NRXN1: variants seen among roughly 807,000 people sequenced by gnomAD.
The protein encoded by NRXN1 is neurexin 1.
A neutral mutation model predicts 150.9 loss-of-function variants in NRXN1; 39 were observed. That is an observed-to-expected ratio of 0.26 (90% CI 0.20 to 0.34). The LOEUF (loss-of-function observed/expected upper bound fraction) is 0.34. Ranked by LOEUF, NRXN1 falls within the 10% of genes least tolerant of loss-of-function variation. NRXN1 has a pLI of 1.00. For synonymous variants in NRXN1, 924 were observed against 757.0 expected, an observed-to-expected ratio of 1.22 and a Z score of -3.62; for missense variants, 1,815 against 1,949.9, an observed-to-expected ratio of 0.93 and a Z score of 1.30.
chr2:50,154,400 TAAG>T (rs1430142349), intron 18 of NRXN1, among the ~76,000 whole-genome samples: 1 of 151,610 alleles, frequency 6.6e-6, no homozygotes, highest in Non-Finnish European at 1.5e-5. Flanking sequence ...TGGAAAAAAT[TAAG>T]AAGCATGGGA....
intron 17 of NRXN1, among the ~76,000 whole-genome samples, chr2:50,306,281 T>C (rs2074601500): frequency 2.0e-5 from 3 of 152,186 alleles, no homozygotes; most frequent in African/African-American, 7.2e-5. Flanking sequence ...GGTATTGGTC[T>C]TTTACTAATA....
intron 8 of NRXN1, among the ~76,000 whole-genome samples, chr2:50,618,213 T>C (rs1300846753): frequency 2.0e-5 from 3 of 152,166 alleles, no homozygotes; most frequent in Non-Finnish European, 2.9e-5. Flanking sequence ...TTTCCATCCC[T>C]AGAATGGAGT....
At chr2:50,411,910 T>G (rs1436492346) in intron 17 of NRXN1, among the ~76,000 whole-genome samples, 1 of 152,212 alleles carries the variant, frequency 6.6e-6, no homozygotes, top group African/African-American at 2.4e-5. Context: ...GAGATCAGAT[T>G]GTTACTGTGT....
intron 15 of NRXN1, among the ~76,000 whole-genome samples, chr2:50,491,506 A>G (rs966889480): frequency 6.6e-6 from 1 of 152,142 alleles, no homozygotes; most frequent in Non-Finnish European, 1.5e-5. Flanking sequence ...GAGGAATACT[A>G]GGAAGGTTGA....
intron 17 of NRXN1, among the ~76,000 whole-genome samples, chr2:50,401,065 A>G (rs2082359478): frequency 6.6e-6 from 1 of 152,154 alleles, no homozygotes. Flanking sequence ...GGGTTAACCA[A>G]TGTAACATTT....
intron 5 of NRXN1, among the ~76,000 whole-genome samples, chr2:50,650,362 A>G (rs139202665): frequency 1.3e-5 from 2 of 152,206 alleles, no homozygotes; most frequent in African/African-American, 4.8e-5. Context: ...TGGAGAAGTC[A>G]ACACAGTTCT....
intron 21 of NRXN1, chr2:49,973,900 G>C (rs1203270102): frequency 3.1e-6 from 2 of 650,506 alleles, no homozygotes; most frequent in South Asian, 3.6e-5. Flanking sequence ...TTAGGCTTCT[G>C]GTATCTTAAA....
intron 8 of NRXN1, among the ~76,000 whole-genome samples, chr2:50,603,916 C>T (rs548773396): frequency 9.2e-5 from 14 of 152,152 alleles, no homozygotes; most frequent in African/African-American, 1.4e-4. Flanking sequence ...TTCATGCTTC[C>T]GACCACTCAA....
intron 2 of NRXN1, among the ~76,000 whole-genome samples, chr2:50,989,788 G>C (rs1391073682): frequency 1.3e-5 from 2 of 151,960 alleles, no homozygotes; most frequent in Admixed American, 6.6e-5. Context: ...TTCTGGTATG[G>C]ATGTAGAGAA....
chr2:50,048,023 C>T (rs1356789092), intron 21 of NRXN1, among the ~76,000 whole-genome samples: 1 of 151,786 alleles, frequency 6.6e-6, no homozygotes, highest in Non-Finnish European at 1.5e-5. Context: ...ACCTCCAGAC[C>T]CCAAAGAAAA....
chr2:51,007,396 A>G (rs1197974396), intron 2 of NRXN1, among the ~76,000 whole-genome samples: 1 of 151,920 alleles, frequency 6.6e-6, no homozygotes, highest in Non-Finnish European at 1.5e-5. Context: ...AATTTTGGTG[A>G]TACAATATAG....
At chr2:50,267,829 A>G (rs1454229641) in intron 17 of NRXN1, among the ~76,000 whole-genome samples, 2 of 152,164 alleles carry the variant, frequency 1.3e-5, no homozygotes, top group South Asian at 4.1e-4. Context: ...TTCATTTAAC[A>G]GACATTATCT....
intron 5 of NRXN1, among the ~76,000 whole-genome samples, chr2:50,865,672 T>TTTTTTTG (rs1676818991): frequency 7.4e-6 from 1 of 135,424 alleles, no homozygotes; most frequent in Non-Finnish European, 1.6e-5. Flanking sequence ...TTTTTTTTTT[T>TTTTTTTG]TTTTTTTTTT....
chr2:50,013,343 G>T (rs1686025493), intron 21 of NRXN1, among the ~76,000 whole-genome samples: 2 of 145,432 alleles, frequency 1.4e-5, no homozygotes, highest in Admixed American at 7.1e-5. Context: ...TGTGGTCTCA[G>T]CATTCTGTAC....
chr2:50,885,240 A>G (rs62140639), intron 5 of NRXN1, among the ~76,000 whole-genome samples: 20,315 of 151,414 alleles, frequency 0.13, 1,580 homozygotes, highest in Non-Finnish European at 0.18. Context: ...ATCCTAATAC[A>G]TAGATATTAT....
At chr2:50,965,416 G>GA (rs545747600) in intron 2 of NRXN1, among the ~76,000 whole-genome samples, 11 of 149,080 alleles carry the variant, frequency 7.4e-5, no homozygotes, top group Non-Finnish European at 1.0e-4. Flanking sequence ...AAGCATGGAG[G>GA]AAAAAAAAAT....
intron 5 of NRXN1, among the ~76,000 whole-genome samples, chr2:50,807,229 G>A (rs547502465): frequency 1.3e-5 from 2 of 152,104 alleles, no homozygotes; most frequent in Non-Finnish European, 2.9e-5. Context: ...TCCTACCTCT[G>A]CCTTGAAGAA....
intron 5 of NRXN1, among the ~76,000 whole-genome samples, chr2:50,683,646 A>AAAAAAAAAAAATATATATATATATATAT: frequency 8.1e-4 from 12 of 14,884 alleles, no homozygotes; most frequent in Non-Finnish European, 1.1e-3. Context: ...AAAAAAAAAA[A>AAAAAAAAAAAATATATATATATATATAT]ATATATATAT....
intron 18 of NRXN1, among the ~76,000 whole-genome samples, chr2:50,230,147 G>A (rs181504696): frequency 6.6e-6 from 1 of 152,136 alleles, no homozygotes; most frequent in East Asian, 1.9e-4. Flanking sequence ...GCTAGCTTAG[G>A]AGGTGAAAAG....
Sources: allele counts gnomAD v4.1 joint callset (sites outside exome capture counted in the v4.1 genomes callset), GRCh38; gene constraint gnomAD v4.1.1; transcripts MANE v1.5; gene names NCBI Gene and HGNC (gene_info 2026-07-23, HGNC 2026-07-21).